Variants in FAT3 observed in about 807,000 individuals in gnomAD.
The protein encoded by FAT3 is protocadherin Fat 3.
A neutral mutation model predicts 310.2 loss-of-function variants in FAT3; 95 were observed. That is an observed-to-expected ratio of 0.31 (90% confidence interval 0.26 to 0.36). The LOEUF is 0.36. Among genes scored for constraint, FAT3 ranks in the 10% least tolerant of loss-of-function variants. The pLI, the probability that FAT3 is intolerant of heterozygous loss-of-function variation, is 1.00. For missense variants in FAT3, 5,408 were observed against 5,715.6 expected (o/e 0.95, Z 1.74); for synonymous variants, 2,314 against 2,192.9 (o/e 1.06, Z -1.54).
intron 3 of FAT3, among the ~76,000 whole-genome samples, chr11:92,590,494 T>C (rs1223519577): frequency 6.6e-6 from 1 of 152,126 alleles, no homozygotes; most frequent in Non-Finnish European, 1.5e-5. Context: ...TGAGAAATTA[T>C]GTGAAAGGAA....
In FAT3 at chr11:92,563,852, C is replaced by T. The variant is rs1236019847; in HGVS notation, c.3607+38904C>T. Among the ~76,000 whole-genome samples, 3 of 151,708 alleles carry T rather than the reference C, an allele frequency of 2.0e-5. 1 individual carries two copies. The highest frequency in any genetic ancestry group is 6.4e-3 in the Middle Eastern group (2 of 314). ...AAGCAATGCTGAGAGATTTTGTCACCACCAGGCCTGCCCTAAAAGAGCTCC... is the reference window on the plus strand; with the variant it reads ...AAGCAATGCTGAGAGATTTTGTCACTACCAGGCCTGCCCTAAAAGAGCTCC... On this transcript the variant is annotated intron_variant, in intron 3 of 27. Coordinates refer to ENST00000525166, the MANE Select transcript of FAT3 (RefSeq NM_001367949.2).
chr11:92,602,820 T>C (rs913666352), intron 3 of FAT3, among the ~76,000 whole-genome samples: 1 of 152,192 alleles, frequency 6.6e-6, no homozygotes, highest in African/African-American at 2.4e-5. Flanking sequence ...CCAAGAAGAA[T>C]AAAGTAGGGC....
At chr11:92,594,501 C>T (rs775910774) in intron 3 of FAT3, among the ~76,000 whole-genome samples, 1 of 152,116 alleles carries the variant, frequency 6.6e-6, no homozygotes, top group African/African-American at 2.4e-5. Flanking sequence ...TCTTCTGAAC[C>T]ATGAAACAAA....
chr11:92,790,735 A>G (rs1034747913), intron 8 of FAT3, among the ~76,000 whole-genome samples: 9 of 152,350 alleles, frequency 5.9e-5, no homozygotes, highest in Middle Eastern at 3.4e-3. Context: ...TACAGAGAGT[A>G]TAAATCTGAG....
chr11:92,440,049 G>A (rs939270013), intron 2 of FAT3, among the ~76,000 whole-genome samples: 3 of 152,178 alleles, frequency 2.0e-5, no homozygotes, highest in Admixed American at 1.3e-4. Context: ...GTGGAGGGAA[G>A]GTTAGTATTG....
At chr11:92,818,008 A>G (rs1231938459) in intron 13 of FAT3, among the ~76,000 whole-genome samples, 1 of 152,186 alleles carries the variant, frequency 6.6e-6, no homozygotes, top group Non-Finnish European at 1.5e-5. Flanking sequence ...AGTTTCCTGT[A>G]TCTTCTTGGG....
At chr11:92,330,243 G>T (rs1947878839) in intron 1 of FAT3, among the ~76,000 whole-genome samples, 1 of 152,128 alleles carries the variant, frequency 6.6e-6, no homozygotes, top group Non-Finnish European at 1.5e-5. Context: ...CATGTATGTT[G>T]AAACTAAAAT....
chr11:92,654,226 C>A (rs140966316), intron 3 of FAT3, among the ~76,000 whole-genome samples: 43 of 152,242 alleles, frequency 2.8e-4, no homozygotes, highest in African/African-American at 8.2e-4. Context: ...CCCATTAATT[C>A]TTTTCAGTTC....
chr11:92,761,897 C>T lies in FAT3; in HGVS notation c.3711C>T (p.Thr1237=), dbSNP rs1169672524. Residue 1237 remains threonine (T), a synonymous_variant, in exon 5 of 28, where the codon ACC becomes ACT. Coordinates refer to ENST00000525166, the MANE Select transcript of FAT3 (RefSeq NM_001367949.2). ...TDGGPSPKQS[T]IWVVVQVLDE... ...GTGGTCCCTCTCCAAAACAGTCAAC[C>T]ATTTGGGTGGTGGTTCAGGTTCTAG... 4 of 1,613,858 alleles carry T rather than the reference C, an allele frequency of 2.5e-6. No individual in the cohort carries two copies. Among genetic ancestry groups the T allele is most frequent in the Non-Finnish European group, 3.4e-6 (4 of 1,179,854 alleles).
At chr11:92,491,824 G>T (rs1952607176) in intron 2 of FAT3, among the ~76,000 whole-genome samples, 1 of 152,040 alleles carries the variant, frequency 6.6e-6, no homozygotes, top group Non-Finnish European at 1.5e-5. Flanking sequence ...CGATGATACA[G>T]GTGGGTAGCC....
At chr11:92,637,006 C>A (rs1941789613) in intron 3 of FAT3, among the ~76,000 whole-genome samples, 1 of 152,230 alleles carries the variant, frequency 6.6e-6, no homozygotes, top group African/African-American at 2.4e-5. Context: ...CCTCCTCCAA[C>A]TTGCCCGTTT....
rs1217482771 is a variant in FAT3, at chr11:92,806,534, T to C, written c.9247+19T>C. The C allele has an allele frequency of 2.6e-6, 4 of 1,529,932 alleles. No homozygotes were observed. The highest frequency in any genetic ancestry group is 3.5e-6 in the Non-Finnish European group (4 of 1,133,044). The allele number at this position is 1,529,932 out of a possible 1,614,324, so 94.8% of individuals were successfully genotyped here. On this transcript the variant is annotated intron_variant, in intron 12 of 27. Coordinates refer to ENST00000525166, the MANE Select transcript of FAT3 (RefSeq NM_001367949.2). ...GAAAGTGGTAAGCTAAAATTTATTA[T>C]TGAGATAAATGTCATTGTTAATTCA...
At chr11:92,697,278 A>G (rs1943970533) in intron 3 of FAT3, 106 bp from the exon 4 acceptor site, 3 of 828,610 alleles carry the variant, frequency 3.6e-6, no homozygotes, top group Non-Finnish European at 5.9e-6. Context: ...GGAAAGTTAC[A>G]GTTCCATACC....
intron 1 of FAT3, among the ~76,000 whole-genome samples, chr11:92,249,807 T>C (rs1000437364): frequency 2.0e-5 from 3 of 152,114 alleles, no homozygotes; most frequent in Non-Finnish European, 4.4e-5. Context: ...GTTGCACCCA[T>C]GAAGTCATTG....
intron 3 of FAT3, among the ~76,000 whole-genome samples, chr11:92,556,836 C>T (rs140046871): frequency 1.8e-3 from 271 of 152,132 alleles, no homozygotes; most frequent in Admixed American, 2.9e-3. Flanking sequence ...CATGATTGCC[C>T]AATTACAACA....
Position 92,809,855 on chromosome 11 carries a change from C to G in FAT3, c.9260C>G (p.Thr3087Ser). Residue 3087 changes from threonine to serine, a missense_variant, in exon 13 of 28, where the codon ACC (threonine) becomes AGC (serine). Physicochemically the swap from Thr to Ser is moderately conservative, Grantham distance 58. This residue lies in a region of FAT3 where 4,588 missense variants were observed against 4,809.8 expected (regional missense o/e 0.95). Transcript: ENST00000525166. ...TTTATTTTCACAGGCGAGTTAAAAA[C>G]CTTGGCTCTGTTGGACCGGGAGAGG... ...FLDPESGELK[T>S]LALLDRERIP... 6.2e-7 allele frequency: 1 copy of G among 1,612,972 alleles called. No homozygotes were observed.
intron 3 of FAT3, among the ~76,000 whole-genome samples, chr11:92,609,704 A>G (rs1206627448): frequency 6.6e-6 from 1 of 152,224 alleles, no homozygotes; most frequent in Non-Finnish European, 1.5e-5. Flanking sequence ...CTTGTGAATA[A>G]GAGAGTAAAC....
At chr11:92,453,333 G>A (rs1443750716) in intron 2 of FAT3, among the ~76,000 whole-genome samples, 1 of 152,072 alleles carries the variant, frequency 6.6e-6, no homozygotes, top group Non-Finnish European at 1.5e-5. Flanking sequence ...TACCAAGCTC[G>A]CTGCACTTTA....
intron 3 of FAT3, among the ~76,000 whole-genome samples, chr11:92,638,189 A>G (rs539182): frequency 0.48 from 73,729 of 152,032 alleles, 18,110 homozygotes; most frequent in African/African-American, 0.5. Context: ...GACCATTTGC[A>G]TATTAAATTT....
Sources: gnomAD v4.1 joint callset for allele counts (sites outside exome capture counted in the v4.1 genomes callset) on GRCh38, gnomAD v4.1.1 for gene constraint, gnomAD v4.1.1 regional missense constraint, MANE v1.5 for transcripts, NCBI Gene and HGNC (gene_info 2026-07-23, HGNC 2026-07-21) for gene names.